INSL6: variants seen among roughly 807,000 people sequenced by gnomAD.
INSL6 encodes the protein insulin-like peptide INSL6.
INSL6 carries 16 observed loss-of-function variants against 9.4 expected under a neutral mutation model. The ratio of observed to expected loss-of-function variants is 1.70; its 90% CI spans 1.15 to 2.59. INSL6 has a LOEUF of 2.59. Among genes scored for constraint, INSL6 ranks in the 30% most tolerant of loss-of-function variants. INSL6 has a pLI of 0.00. For missense variants in INSL6, 391 were observed against 257.3 expected, an observed-to-expected ratio of 1.52 and a Z score of -3.56; for synonymous variants, 154 against 96.9, an observed-to-expected ratio of 1.59 and a Z score of -3.46.
At chr9:5,021,124 G>A in the INSL6 span, among the ~76,000 whole-genome samples, 1 of 152,162 alleles carries the variant, frequency 6.6e-6, no homozygotes, top group Non-Finnish European at 1.5e-5. Flanking sequence ...CCCACATTGT[G>A]CAGGCTCTCT....
At chr9:5,078,357 A>C in the INSL6 span, 1 of 1,612,476 alleles carries the variant, frequency 6.2e-7, no homozygotes, top group Non-Finnish European at 8.5e-7. Context: ...TATTCTGCTT[A>C]TCAGAGAAGA....
intron 1 of INSL6, among the ~76,000 whole-genome samples, chr9:5,172,812 C>T (rs1825213502): frequency 6.6e-6 from 1 of 151,876 alleles, no homozygotes; most frequent in Non-Finnish European, 1.5e-5. Flanking sequence ...CCTGTAGTCC[C>T]AGGTACTCGA....
At chr9:5,000,077 TTTA>T in the INSL6 span, among the ~76,000 whole-genome samples, 2 of 152,172 alleles carry the variant, frequency 1.3e-5, no homozygotes, top group Non-Finnish European at 2.9e-5. Flanking sequence ...GAAATGCCTA[TTTA>T]TGTTCATTTT....
chr9:5,005,404 A>G, the INSL6 span, among the ~76,000 whole-genome samples: 131 of 152,078 alleles, frequency 8.6e-4, no homozygotes, highest in Non-Finnish European at 1.5e-3. Flanking sequence ...CTCCTGTTTT[A>G]TAGGTTGTCC....
the INSL6 span, chr9:5,065,100 A>C: frequency 8.8e-7 from 1 of 1,138,678 alleles, no homozygotes; most frequent in East Asian, 2.7e-5. Flanking sequence ...TTTACAAAGA[A>C]GATTTAACAG....
chr9:5,111,451 A>C, the INSL6 span: 2 of 392,006 alleles, frequency 5.1e-6, no homozygotes, highest in Non-Finnish European at 9.9e-6. Context: ...CTGGTCTTCC[A>C]TCCTCGGCGT....
chr9:5,119,346 C>G (rs1823442947), downstream of INSL6, among the ~76,000 whole-genome samples: 1 of 151,986 alleles, frequency 6.6e-6, no homozygotes, highest in Non-Finnish European at 1.5e-5. Context: ...CAGAGGTCCT[C>G]CTTCCAAGGT....
the INSL6 span, among the ~76,000 whole-genome samples, chr9:5,035,017 A>G: frequency 6.6e-6 from 1 of 152,190 alleles, no homozygotes; most frequent in African/African-American, 2.4e-5. Flanking sequence ...AGAGAGAAGA[A>G]TCAAATACAT....
chr9:5,121,760 GA>G (rs1823631239), downstream of INSL6, among the ~76,000 whole-genome samples: 2 of 152,178 alleles, frequency 1.3e-5, no homozygotes, highest in African/African-American at 4.8e-5. Context: ...TCAACAAGGG[GA>G]ATTAATTTTG....
At chr9:5,033,794 T>C in the INSL6 span, among the ~76,000 whole-genome samples, 1 of 152,046 alleles carries the variant, frequency 6.6e-6, no homozygotes, top group African/African-American at 2.4e-5. Flanking sequence ...ACACGCCAAA[T>C]TGTAAAGACC....
At chr9:5,161,634 A>C (rs1406562796), downstream of INSL6, among the ~76,000 whole-genome samples, 1 of 152,202 alleles carries the variant, frequency 6.6e-6, no homozygotes, top group Admixed American at 6.5e-5. Flanking sequence ...ATTGGAAAGA[A>C]ATGAGTAAAA....
the INSL6 span, among the ~76,000 whole-genome samples, chr9:5,115,674 A>G: frequency 3.9e-5 from 6 of 152,266 alleles, no homozygotes; most frequent in African/African-American, 4.8e-5. Context: ...ATGCCCATCA[A>G]TGATAGACTG....
At chr9:5,149,192 A>G (rs1410139640) in intron 2 of INSL6, among the ~76,000 whole-genome samples, 2 of 152,258 alleles carry the variant, frequency 1.3e-5, no homozygotes, top group African/African-American at 2.4e-5. Flanking sequence ...TCCTAGAGGT[A>G]CATGGCGAGA....
chr9:5,127,259 TA>T (rs1224693694), intron 3 of INSL6: 1 of 232,480 alleles, frequency 4.3e-6, no homozygotes, highest in East Asian at 6.0e-5. Context: ...AATTTTTCCA[TA>T]GTTAATCTAT....
At chr9:5,101,386 G>A in the INSL6 span, among the ~76,000 whole-genome samples, 5 of 152,358 alleles carry the variant, frequency 3.3e-5, no homozygotes, top group Middle Eastern at 3.4e-3. Context: ...AGGGAAGCTC[G>A]AACTGGGTGG....
At chr9:5,005,047 G>C in the INSL6 span, among the ~76,000 whole-genome samples, 1 of 129,084 alleles carries the variant, frequency 7.7e-6, no homozygotes, top group African/African-American at 3.0e-5. Flanking sequence ...CTCTTGAGTA[G>C]TTGGGACTGC....
chr9:5,024,249 C>T, the INSL6 span, among the ~76,000 whole-genome samples: 558 of 152,108 alleles, frequency 3.7e-3, 5 homozygotes, highest in African/African-American at 0.013. Flanking sequence ...GAGCGAGACT[C>T]CATCTCAAAA....
At chr9:5,156,689 A>G (rs1278918047) in intron 2 of INSL6, among the ~76,000 whole-genome samples, 1 of 152,232 alleles carries the variant, frequency 6.6e-6, no homozygotes, top group Non-Finnish European at 1.5e-5. Context: ...GCAATGAGTC[A>G]ATAAAAAGAA....
the INSL6 span, among the ~76,000 whole-genome samples, chr9:5,020,482 G>A: frequency 6.6e-6 from 1 of 152,166 alleles, no homozygotes; most frequent in East Asian, 1.9e-4. Context: ...GAATGTTCAG[G>A]TGGGGGCAGC....
Sources: gnomAD v4.1 joint callset for allele counts (sites outside exome capture counted in the v4.1 genomes callset) on GRCh38, gnomAD v4.1.1 for gene constraint, MANE v1.5 for transcripts, NCBI Gene and HGNC (gene_info 2026-07-23, HGNC 2026-07-21) for gene names.